The following C13orf42 variants were observed in gnomAD, a reference collection of about 807,000 sequenced individuals.
C13orf42 encodes uncharacterized protein C13orf42.
At chr13:51,154,367 A>G (rs539075852) in intron 1 of C13orf42, among the ~76,000 whole-genome samples, 2 of 152,318 alleles carry the variant, frequency 1.3e-5, no homozygotes, top group East Asian at 3.9e-4. Flanking sequence ...TTGCTGAGTC[A>G]TAGGGACTCC....
intron 1 of C13orf42, among the ~76,000 whole-genome samples, chr13:51,107,003 G>T (rs1043208640): frequency 2.0e-5 from 3 of 152,328 alleles, no homozygotes; most frequent in Non-Finnish European, 4.4e-5. Context: ...TGAGGGAGGA[G>T]TACATTGCCA....
chr13:51,165,474 A>G (rs1953896141), intron 1 of C13orf42, among the ~76,000 whole-genome samples: 1 of 152,140 alleles, frequency 6.6e-6, no homozygotes, highest in South Asian at 2.1e-4. Flanking sequence ...ACAGATATAA[A>G]CCCAGGGACT....
At chr13:51,127,900 G>A (rs1953588734) in intron 1 of C13orf42, among the ~76,000 whole-genome samples, 1 of 152,180 alleles carries the variant, frequency 6.6e-6, no homozygotes, top group African/African-American at 2.4e-5. Context: ...TTCCCAGAGA[G>A]TTAGTCATTC....
intron 1 of C13orf42, among the ~76,000 whole-genome samples, chr13:51,168,484 G>C (rs1953918731): frequency 6.6e-6 from 1 of 152,216 alleles, no homozygotes; most frequent in Non-Finnish European, 1.5e-5. Flanking sequence ...GAAGTGGTGA[G>C]CTTCTTCTAA....
chr13:51,089,719 T>C (rs115031774), intron 1 of C13orf42, among the ~76,000 whole-genome samples: 1,892 of 151,790 alleles, frequency 0.012, 45 homozygotes, highest in African/African-American at 0.044. Flanking sequence ...CTCCATCACA[T>C]TGGTCACCTC....
intron 1 of C13orf42, among the ~76,000 whole-genome samples, chr13:51,092,174 C>T (rs1432865710): frequency 1.3e-5 from 2 of 152,208 alleles, no homozygotes; most frequent in Non-Finnish European, 2.9e-5. Context: ...CACTCTCCAA[C>T]GTGTCCCTAG....
chr13:51,151,214 G>C lies in C13orf42; in HGVS notation n.136+21039C>G, dbSNP rs1380355719. Among the ~76,000 whole-genome samples, 4 of 152,186 alleles carry C rather than the reference G, an allele frequency of 2.6e-5. No homozygotes were observed. The South Asian group carries it at 6.2e-4, about 24-fold the overall frequency. Reference sequence around the variant, plus strand: ...TTAAGGCTGCTAATCAGGTTAAGATGGGGGGATTTTCCAGATTATCTTTCT... The same window carrying C: ...TTAAGGCTGCTAATCAGGTTAAGATCGGGGGATTTTCCAGATTATCTTTCT... On this transcript the variant is annotated intron_variant and non_coding_transcript_variant, in intron 1 of 4. Coordinates refer to the C13orf42 transcript ENST00000433280.
chr13:51,105,891 C>G lies in C13orf42; in HGVS notation c.414+4905G>C, dbSNP rs141027583. ...TGATACAGAAGCTAATTCAGCTACA[C>G]AGAAGCTAATTCAGCTGCCATAGAT... On this transcript the variant is annotated intron_variant, in intron 1 of 3. Transcript: ENST00000563710. Among the ~76,000 whole-genome samples the G allele has an allele frequency of 8.2e-3, 1,254 of 152,326 alleles. 4 individuals are homozygous for G. Among genetic ancestry groups the G allele is most frequent in the Non-Finnish European group, 0.013 (861 of 68,032 alleles).
chr13:51,159,802 A>T (rs200410329), intron 1 of C13orf42, among the ~76,000 whole-genome samples: 24,712 of 152,106 alleles, frequency 0.16, 2,330 homozygotes, highest in East Asian at 0.27. Flanking sequence ...CATATGTAAG[A>T]CAGTGTATTA....
rs1953917350 is a variant in C13orf42, at chr13:51,168,270, T to C, written n.136+3983A>G. 2.0e-5 allele frequency among the ~76,000 whole-genome samples: 3 copies of C among 152,232 alleles called. No individual in the cohort carries two copies. The South Asian group carries it at 6.2e-4, about 32-fold the overall frequency. ...ATTTAAACCTAGTTTAGACTGTCAG[T>C]TGCATAAATCGGAGGTGCAGTTTCT... On this transcript the variant is annotated intron_variant and non_coding_transcript_variant, in intron 1 of 4. Transcript: ENST00000433280.
Position 51,111,182 on chromosome 13 carries a change from T to TA in C13orf42, c.27dup (p.Asn10Ter), listed in dbSNP as rs1953428881. On this transcript the variant is annotated frameshift_variant, in exon 1 of 4. Coordinates refer to ENST00000563710, the MANE Select transcript of C13orf42 (RefSeq NM_001351589.3). LOFTEE classifies it high-confidence loss of function. ...GCCGTCTTTCTCTGTGGGCTGGAGT[T>TA]AAAGATGGAGTGGATCTTTCTGAAC... 1 of 398,668 alleles carries TA rather than the reference T, an allele frequency of 2.5e-6. No individual in the cohort carries two copies. The highest frequency in any genetic ancestry group is 4.4e-6 in the Non-Finnish European group (1 of 226,086). 24.7% of individuals were successfully genotyped at this position (398,668 alleles called of 1,614,324 possible). A position where few individuals can be genotyped will look rare whatever the true frequency, so the allele number is the denominator to read the frequency against.
chr13:51,133,542 ATTT>A (rs950901705), intron 1 of C13orf42, among the ~76,000 whole-genome samples: 11 of 151,882 alleles, frequency 7.2e-5, no homozygotes, highest in African/African-American at 2.7e-4. Flanking sequence ...ACTATTTTTA[ATTT>A]TTTTATTTAT....
chr13:51,170,667 C>T (rs867202839), intron 1 of C13orf42, among the ~76,000 whole-genome samples: 1 of 146,922 alleles, frequency 6.8e-6, no homozygotes, highest in Admixed American at 6.8e-5. Flanking sequence ...CAGCCTTCCC[C>T]TTGGTGTTTA....
intron 1 of C13orf42, among the ~76,000 whole-genome samples, chr13:51,159,824 C>T (rs1423564669): frequency 1.3e-5 from 2 of 152,104 alleles, no homozygotes; most frequent in African/African-American, 4.8e-5. Context: ...TTCATTTTGA[C>T]GCTGCTGATA....
chr13:51,113,730 C>T (rs1237444377), upstream of C13orf42, among the ~76,000 whole-genome samples: 1 of 152,140 alleles, frequency 6.6e-6, no homozygotes, highest in Non-Finnish European at 1.5e-5. Context: ...CATACCTAGC[C>T]ACAAAGTGTA....
At chr13:51,127,552 T>C (rs1005093108) in intron 1 of C13orf42, among the ~76,000 whole-genome samples, 2 of 152,190 alleles carry the variant, frequency 1.3e-5, no homozygotes, top group Admixed American at 6.5e-5. Context: ...CTGAAAACTT[T>C]ATGAAAATAA....
intron 1 of C13orf42, among the ~76,000 whole-genome samples, chr13:51,134,883 G>A (rs1435365644): frequency 3.3e-5 from 5 of 152,146 alleles, no homozygotes; most frequent in Non-Finnish European, 5.9e-5. Flanking sequence ...AACACCTCCC[G>A]GCCTTCCCTC....
chr13:51,142,400 TA>T (rs1007474691), intron 1 of C13orf42, among the ~76,000 whole-genome samples: 21 of 152,212 alleles, frequency 1.4e-4, no homozygotes, highest in Admixed American at 3.3e-4. Context: ...TTCAGAACTT[TA>T]AATCATGACT....
intron 1 of C13orf42, among the ~76,000 whole-genome samples, chr13:51,102,535 A>G (rs1280034220): frequency 2.0e-5 from 3 of 152,194 alleles, no homozygotes; most frequent in South Asian, 4.1e-4. Flanking sequence ...TCGGAATTCA[A>G]TGGGTTCTTT....
Sources: gnomAD v4.1 joint callset for allele counts (sites outside exome capture counted in the v4.1 genomes callset) on GRCh38, gnomAD v4.1.1 for gene constraint, MANE v1.5 for transcripts, NCBI Gene and HGNC (gene_info 2026-07-23, HGNC 2026-07-21) for gene names.